Variants in WDR4 observed in about 807,000 individuals in gnomAD.
WDR4 encodes tRNA (guanine-N(7)-)-methyltransferase non-catalytic subunit WDR4.
A neutral mutation model predicts 48.6 loss-of-function variants in WDR4; 47 were observed. The observed-to-expected ratio is 0.97, with a 90% CI of 0.77 to 1.23. WDR4 has a LOEUF of 1.23. Among genes scored for constraint, WDR4 ranks in the 50% most tolerant of loss-of-function variants. The pLI, the probability that WDR4 is intolerant of heterozygous loss-of-function variation, is 0.00. For missense variants in WDR4, 606 were observed against 551.6 expected (o/e 1.10, Z -0.99); for synonymous variants, 268 against 230.0 (o/e 1.17, Z -1.49).
chr21:42,876,480 C>T (rs940319820), intron 2 of WDR4, among the ~76,000 whole-genome samples: 8 of 152,134 alleles, frequency 5.3e-5, no homozygotes, highest in Non-Finnish European at 1.5e-5. Flanking sequence ...TCCCAAAGTG[C>T]TGGGATTACA....
chr21:42,876,823 A>AAT (rs1569338173), intron 1 of WDR4, 56 bp from the exon 2 acceptor site: 21 of 1,347,256 alleles, frequency 1.6e-5, no homozygotes, highest in Middle Eastern at 2.0e-4. Flanking sequence ...GAAATAACAA[A>AAT]TTTTTTTTTT....
At position 42,855,667 on chromosome 21, in the gene WDR4, A is replaced by T; in HGVS notation, c.726+15T>A. 2 of 1,542,284 alleles carry T rather than the reference A, an allele frequency of 1.3e-6. No homozygotes were observed. The highest frequency in any genetic ancestry group is 1.8e-6 in the Non-Finnish European group (2 of 1,140,162). On this transcript the variant is annotated intron_variant, in intron 7 of 10. Coordinates refer to ENST00000398208, the MANE Select transcript of WDR4 (RefSeq NM_018669.6). ...ACAAGCACTCAGTCGCCCAGGAGTG[A>T]ACAGAAGCAGCTACCTGGGGGGCCT... is the stretch of plus-strand genomic sequence containing the variant.
chr21:42,880,941 T>G (rs1257409234), upstream of WDR4, among the ~76,000 whole-genome samples: 1 of 151,768 alleles, frequency 6.6e-6, no homozygotes, highest in Non-Finnish European at 1.5e-5. Context: ...AGTCTTTTTT[T>G]TTTTTTTAGA....
Position 42,859,661 on chromosome 21 carries a change from C to A in WDR4, c.627+1G>T, listed in dbSNP as rs1157931491. 1 of 1,337,086 alleles carries A rather than the reference C, an allele frequency of 7.5e-7. No homozygotes were observed. 82.8% of individuals were successfully genotyped at this position (1,337,086 alleles called of 1,614,324 possible). ...TGAGTGACGCTGGGCAGAACACTTA[C>A]CCCAGAGGAGGACAGAAGCAGCCCG... On this transcript the variant is annotated splice_donor_variant, in intron 6 of 10. Transcript: ENST00000398208. LOFTEE classifies it high-confidence loss of function.
At chr21:42,872,610 C>CAA (rs536689165) in intron 3 of WDR4, among the ~76,000 whole-genome samples, 16 of 78,614 alleles carry the variant, frequency 2.0e-4, no homozygotes, top group Admixed American at 4.2e-4. Flanking sequence ...GACCCTTCTC[C>CAA]AAAAAAAAAA....
chr21:42,873,725 A>G (rs1481694416), intron 2 of WDR4, 34 bp from the exon 3 acceptor site: 2 of 1,601,416 alleles, frequency 1.2e-6, no homozygotes, highest in East Asian at 4.5e-5. Context: ...GTTAAGCTTC[A>G]CCTAAGGAAA....
intron 3 of WDR4, among the ~76,000 whole-genome samples, chr21:42,869,432 C>T (rs2058319524): frequency 6.6e-6 from 1 of 152,086 alleles, no homozygotes; most frequent in African/African-American, 2.4e-5. Context: ...TTGTTCTTGA[C>T]CCCAGGGCTT....
the WDR4 span, among the ~76,000 whole-genome samples, chr21:42,886,260 A>AT: frequency 2.0e-5 from 3 of 152,010 alleles, no homozygotes; most frequent in African/African-American, 7.2e-5. Context: ...CCCAGCCTAG[A>AT]TTTTTTTTAA....
rs576768861 is a variant in WDR4 at position 42,862,809 on chromosome 21, G to A, written c.454-415C>T. Among the ~76,000 whole-genome samples the A allele has an allele frequency of 6.6e-6, 1 of 152,282 alleles. No individual in the cohort carries two copies. The highest frequency in any genetic ancestry group is 2.1e-4 in the South Asian group (1 of 4,834). The stretch of plus-strand genomic sequence containing the variant: ...CACACCCATCTGTCACCAAGTCCCA[G>A]TGAGGTTCCCTTTGATACCCCACAC... On this transcript the variant is annotated intron_variant, in intron 4 of 10. Transcript: ENST00000398208. The surrounding 1 kb of genome is among the most constrained non-coding windows in gnomAD (Gnocchi z 4.3).
intron 2 of WDR4, among the ~76,000 whole-genome samples, chr21:42,875,412 G>T (rs1478014379): frequency 1.3e-5 from 2 of 152,014 alleles, no homozygotes; most frequent in Admixed American, 1.3e-4. Flanking sequence ...AAAATTAGCC[G>T]GGCATGGTGG....
At chr21:42,857,125 C>T (rs778352168) in intron 6 of WDR4, among the ~76,000 whole-genome samples, 7 of 152,040 alleles carry the variant, frequency 4.6e-5, no homozygotes, top group South Asian at 2.1e-4. Flanking sequence ...CAAAGAGAAA[C>T]GGGACCTCCC....
chr21:42,843,919 G>A (rs2057687980), intron 11 of WDR4, among the ~76,000 whole-genome samples: 1 of 152,116 alleles, frequency 6.6e-6, no homozygotes, highest in South Asian at 2.1e-4. Context: ...TCAAACTCCT[G>A]GGCTCAAGCA....
chr21:42,876,617 G>A (rs564709557), intron 2 of WDR4, 85 bp downstream of exon 2: 3 of 1,298,186 alleles, frequency 2.3e-6, no homozygotes, highest in Non-Finnish European at 3.3e-6. Flanking sequence ...AATTCAGCAA[G>A]TAGGACAACA....
At chr21:42,881,014 T>A (rs560708198), upstream of WDR4, among the ~76,000 whole-genome samples, 7 of 151,760 alleles carry the variant, frequency 4.6e-5, no homozygotes, top group South Asian at 1.5e-3. Flanking sequence ...CACGCCATTC[T>A]CCTGCCTCAG....
In WDR4 at chr21:42,856,599, T is replaced by G. The variant is rs2057998466; in HGVS notation, c.628-819A>C. ...AAAATTCATTACAGCACTAATTCAG[T>G]GGAGAGAAATAAATCAATACTCATT... On this transcript the variant is annotated intron_variant, in intron 6 of 10. Transcript: ENST00000398208. Among the ~76,000 whole-genome samples, 5 of 152,038 alleles carry G rather than the reference T, an allele frequency of 3.3e-5. No individual in the cohort carries two copies. The South Asian group carries it at 1.0e-3, about 31-fold the overall frequency.
chr21:42,850,233 C>G lies in WDR4; in HGVS notation c.1055G>C (p.Gly352Ala). 4 of 1,593,266 alleles carry G rather than the reference C, an allele frequency of 2.5e-6. No homozygotes were observed. Among genetic ancestry groups the G allele is most frequent in the Non-Finnish European group, 3.4e-6 (4 of 1,168,878 alleles). The change falls in exon 11 of 11, where the codon GGC becomes GCC. Residue 352 changes from glycine to alanine, a missense_variant. Transcript: ENST00000398208. ...GAGACTGCTGAAGCTGGCGTCTGCG[C>G]CGGCAGAGCCTGTGATGGGGGAACA... ...GNWAMLEGSA[G>A]ADASFSSLYK...
chr21:42,863,899 G>A (rs1378066005), intron 3 of WDR4, among the ~76,000 whole-genome samples: 4 of 122,774 alleles, frequency 3.3e-5, no homozygotes, highest in African/African-American at 7.7e-5. Context: ...AAGGTCAGGA[G>A]ATTGAGACCA....
intron 3 of WDR4, among the ~76,000 whole-genome samples, chr21:42,864,812 G>C (rs1260585160): frequency 6.6e-6 from 1 of 152,162 alleles, no homozygotes; most frequent in African/African-American, 2.4e-5. Flanking sequence ...CCACAAGGCA[G>C]GGACCCATAT....
rs945191447 is a variant in WDR4, at chr21:42,855,742, G to A, written c.666C>T (p.Arg222=). Residue 222 remains arginine (R), a synonymous_variant, in exon 7 of 11, where the codon CGC becomes CGT. Transcript: ENST00000398208. ...TGGCCAGGTGACAGCAGTGCAGCTGGCGGCCGCTCCTGTACTCCCAGAGCC... is the reference window on the plus strand; with the variant it reads ...TGGCCAGGTGACAGCAGTGCAGCTGACGGCCGCTCCTGTACTCCCAGAGCC... ...TLRLWEYRSG[R]QLHCCHLASL... 1.5e-5 allele frequency: 23 copies of A among 1,553,682 alleles called. No homozygotes were observed. The highest frequency in any genetic ancestry group is 1.8e-5 in the Non-Finnish European group (21 of 1,148,308).
Sources: gnomAD v4.1 joint callset for allele counts (sites outside exome capture counted in the v4.1 genomes callset) on GRCh38, gnomAD v4.1.1 for gene constraint, Gnocchi (gnomAD v3.1) non-coding constraint, MANE v1.5 for transcripts, NCBI Gene and HGNC (gene_info 2026-07-23, HGNC 2026-07-21) for gene names.